PARD3B: variants seen among roughly 807,000 people sequenced by gnomAD.
The protein encoded by PARD3B is par-3 family cell polarity regulator beta, also known as partitioning defective 3 homolog B.
PARD3B carries 103 observed loss-of-function variants against 130.2 expected under a neutral mutation model. The observed-to-expected ratio is 0.79, with a 90% CI of 0.67 to 0.93. PARD3B has a LOEUF of 0.93. Ranked by LOEUF, PARD3B falls within the 40% of genes least tolerant of loss-of-function variation. The probability of loss-of-function intolerance (pLI) is 0.00; values close to 1 mark genes in which losing one functional copy is unlikely to be tolerated. For synonymous variants in PARD3B, 583 were observed against 553.2 expected, an observed-to-expected ratio of 1.05 and a Z score of -0.76; for missense variants, 1,609 against 1,499.2, an observed-to-expected ratio of 1.07 and a Z score of -1.21.
chr2:205,590,384 C>G lies in PARD3B; in HGVS notation c.3261-25072C>G, dbSNP rs2054342918. On this transcript the variant is annotated intron_variant, in intron 22 of 22. Transcript: ENST00000406610. The surrounding 1 kb of genome is among the most constrained non-coding windows in gnomAD (Gnocchi z 4.1). ...GCCCACAGCATCAGGCTTACTTCCCCCTCTTCTCAGCTACTCCACAAAAGA... is the reference window on the plus strand; with the variant it reads ...GCCCACAGCATCAGGCTTACTTCCCGCTCTTCTCAGCTACTCCACAAAAGA... Among the ~76,000 whole-genome samples the G allele has an allele frequency of 6.6e-6, 1 of 152,164 alleles. No homozygotes were observed. Among genetic ancestry groups the G allele is most frequent in the African/African-American group, 2.4e-5 (1 of 41,440 alleles).
At chr2:205,029,583 A>G (rs538302625) in intron 3 of PARD3B, among the ~76,000 whole-genome samples, 1 of 152,292 alleles carries the variant, frequency 6.6e-6, no homozygotes, top group South Asian at 2.1e-4. Flanking sequence ...CAACAGTTAG[A>G]ATTATAATTC....
chr2:204,736,525 T>C (rs1479435154), intron 2 of PARD3B, among the ~76,000 whole-genome samples: 1 of 152,136 alleles, frequency 6.6e-6, no homozygotes. Context: ...CATACAGTTT[T>C]TGGTTTTAGG....
At chr2:204,772,319 T>C (rs975745596) in intron 2 of PARD3B, among the ~76,000 whole-genome samples, 1 of 152,028 alleles carries the variant, frequency 6.6e-6, no homozygotes, top group African/African-American at 2.4e-5. Flanking sequence ...AGATCAAGCA[T>C]TGTAACCACA....
intron 21 of PARD3B, among the ~76,000 whole-genome samples, chr2:205,510,687 C>G (rs1308833767): frequency 6.6e-6 from 1 of 152,178 alleles, no homozygotes; most frequent in African/African-American, 2.4e-5. Context: ...CTGCCTGCAG[C>G]TCTGCAAAAA....
chr2:204,932,459 G>A (rs933212872), intron 2 of PARD3B, among the ~76,000 whole-genome samples: 4 of 151,946 alleles, frequency 2.6e-5, no homozygotes, highest in African/African-American at 9.7e-5. Context: ...TGACCAAGTT[G>A]CATTTCTCCC....
chr2:204,813,580 A>G (rs1399937976), intron 2 of PARD3B, among the ~76,000 whole-genome samples: 1 of 152,116 alleles, frequency 6.6e-6, no homozygotes, highest in African/African-American at 2.4e-5. Flanking sequence ...TGTCTAAGAA[A>G]CTTTTGCCTA....
intron 2 of PARD3B, among the ~76,000 whole-genome samples, chr2:204,737,405 T>C (rs1192953935): frequency 6.6e-6 from 1 of 152,234 alleles, no homozygotes; most frequent in Non-Finnish European, 1.5e-5. Context: ...GAAATGTCTA[T>C]GTCTTTTGCC....
chr2:204,787,363 C>T (rs2042048938), intron 2 of PARD3B, among the ~76,000 whole-genome samples: 2 of 152,100 alleles, frequency 1.3e-5, no homozygotes, highest in African/African-American at 4.8e-5. Context: ...TGCTACATAT[C>T]ATCAGGTGTG....
chr2:205,299,970 TCA>T (rs1366371842), intron 16 of PARD3B, among the ~76,000 whole-genome samples: 1 of 152,162 alleles, frequency 6.6e-6, no homozygotes, highest in Non-Finnish European at 1.5e-5. Flanking sequence ...ATTAGAAAAA[TCA>T]CAGTCACTTC....
chr2:204,632,444 A>T (rs2034712564), intron 1 of PARD3B, among the ~76,000 whole-genome samples: 1 of 151,872 alleles, frequency 6.6e-6, no homozygotes, highest in African/African-American at 2.4e-5. Context: ...TCTACCTCTG[A>T]TCTTTGAGGT....
At position 205,301,447 on chromosome 2, in the gene PARD3B, A is replaced by C. The variant is rs113278076; in HGVS notation, c.2393-17A>C. On this transcript the variant is annotated splice_polypyrimidine_tract_variant and intron_variant, in intron 17 of 22. Coordinates refer to ENST00000406610, the MANE Select transcript of PARD3B (RefSeq NM_001302769.2). The surrounding 1 kb of genome is among the most constrained non-coding windows in gnomAD (Gnocchi z 5.2). ...GTGCCCCTGACCATGGGTATTGATT[A>C]TTTTTTCTCTGTACAGACGGTCTGT... 5.8e-4 allele frequency: 919 copies of C among 1,588,362 alleles called. 2 individuals are homozygous for C. In the African/African-American group the frequency reaches 0.011, roughly 20 times the overall value.
chr2:204,659,379 A>T (rs1305109068), intron 1 of PARD3B, among the ~76,000 whole-genome samples: 4 of 152,172 alleles, frequency 2.6e-5, no homozygotes, highest in African/African-American at 9.7e-5. Flanking sequence ...TGACACAGCT[A>T]GATAGGCTAG....
chr2:205,438,359 A>G (rs1380985747), intron 19 of PARD3B, among the ~76,000 whole-genome samples: 1 of 152,180 alleles, frequency 6.6e-6, no homozygotes, highest in African/African-American at 2.4e-5. Flanking sequence ...AATCAAGCTT[A>G]GTATTTTCCT....
chr2:205,545,164 C>A (rs2052330487), intron 21 of PARD3B, among the ~76,000 whole-genome samples: 1 of 152,136 alleles, frequency 6.6e-6, no homozygotes, highest in Non-Finnish European at 1.5e-5. Flanking sequence ...CATATTATAC[C>A]ACATATTGCT....
At chr2:205,299,407 T>C (rs188011846) in intron 16 of PARD3B, among the ~76,000 whole-genome samples, 3 of 152,306 alleles carry the variant, frequency 2.0e-5, no homozygotes, top group African/African-American at 2.4e-5. Context: ...CAGTCGTTTT[T>C]TCCCAGAAAT....
intron 18 of PARD3B, among the ~76,000 whole-genome samples, chr2:205,323,783 G>C (rs1288057562): frequency 6.6e-6 from 1 of 152,148 alleles, no homozygotes; most frequent in African/African-American, 2.4e-5. Flanking sequence ...ACATCTTCGG[G>C]ATAAATCCTG....
chr2:204,771,792 T>C (rs2041398583), intron 2 of PARD3B, among the ~76,000 whole-genome samples: 1 of 152,116 alleles, frequency 6.6e-6, no homozygotes, highest in Non-Finnish European at 1.5e-5. Flanking sequence ...TTTTATATCA[T>C]TGATGCTTGT....
chr2:204,920,662 G>A (rs997561471), intron 2 of PARD3B, among the ~76,000 whole-genome samples: 1 of 152,132 alleles, frequency 6.6e-6, no homozygotes, highest in Non-Finnish European at 1.5e-5. Flanking sequence ...ATATTGCAGA[G>A]CATTTTATTT....
Position 205,121,496 on chromosome 2 carries a change from A to T in PARD3B, c.807-95A>T. ...TTGATCGTGTCTCCTATGATTAGCC[A>T]CTGTGCTGCTCTTGGTTGCCATCCT... On this transcript the variant is annotated intron_variant, in intron 7 of 22. Coordinates refer to ENST00000406610, the MANE Select transcript of PARD3B (RefSeq NM_001302769.2). The surrounding 1 kb of genome is among the most constrained non-coding windows in gnomAD (Gnocchi z 5.0). 2 of 1,022,928 alleles carry T rather than the reference A, an allele frequency of 2.0e-6. No individual in the cohort carries two copies. The highest frequency in any genetic ancestry group is 1.5e-6 in the Non-Finnish European group (1 of 678,890). 63.4% of individuals were successfully genotyped at this position (1,022,928 alleles called of 1,614,324 possible).
Sources: allele counts gnomAD v4.1 joint callset (sites outside exome capture counted in the v4.1 genomes callset), GRCh38; gene constraint gnomAD v4.1.1; non-coding constraint Gnocchi (gnomAD v3.1); transcripts MANE v1.5; gene names NCBI Gene and HGNC (gene_info 2026-07-23, HGNC 2026-07-21).